The following PLEKHG3 variants were observed in gnomAD, a reference collection of about 807,000 sequenced individuals.
PLEKHG3 encodes pleckstrin homology domain-containing family G member 3.
In PLEKHG3, 62 loss-of-function variants were observed where a neutral mutation model predicts 94.9. The ratio of observed to expected loss-of-function variants is 0.65; its 90% CI spans 0.53 to 0.81. The LOEUF is 0.81. Ranked by LOEUF, PLEKHG3 falls within the 30% of genes least tolerant of loss-of-function variation. The pLI is 0.00. For missense variants in PLEKHG3, 1,461 were observed against 1,619.3 expected, an observed-to-expected ratio of 0.90 and a Z score of 1.68; for synonymous variants, 614 against 654.0, an observed-to-expected ratio of 0.94 and a Z score of 0.93.
chr14:64,732,805 C>G lies in PLEKHG3; in HGVS notation c.1249C>G (p.Pro417Ala), dbSNP rs1266030511. The G allele has an allele frequency of 6.2e-7, 1 of 1,602,290 alleles. No homozygotes were observed. The highest frequency in any genetic ancestry group is 8.5e-7 in the Non-Finnish European group (1 of 1,174,692). ...GATCGTCTCTCTCCTGGGTGCAGAT[C>G]CCAATCGGTACCGCTGCAGCCCAGA... ...EAILEMDSYY[P>A]NRYRCSPERL... is the part of the protein sequence containing the mutation. Residue 417 changes from proline (P) to alanine (A), a missense_variant and splice_region_variant, in exon 12 of 17, where the codon CCC becomes GCC. Coordinates refer to ENST00000247226, the MANE Select transcript of PLEKHG3 (RefSeq NM_001308147.2). This position sits in a 1 kb window ranked among gnomAD's most constrained non-coding sequence, Gnocchi z 4.9.
In PLEKHG3 at chr14:64,732,709, T is replaced by A. The variant is rs1594695529; in HGVS notation, c.1247-94T>A. On this transcript the variant is annotated intron_variant, in intron 11 of 16. Coordinates refer to ENST00000247226, the MANE Select transcript of PLEKHG3 (RefSeq NM_001308147.2). The surrounding 1 kb of genome is among the most constrained non-coding windows in gnomAD (Gnocchi z 4.9). ...GGAGGCTCCTGGCCCTGGAGCTGGG[T>A]GGGTATAGAGGTCTGGCTGGTTATG... 1.1e-6 allele frequency: 1 copy of A among 931,168 alleles called. No individual in the cohort carries two copies. Among genetic ancestry groups the A allele is most frequent in the Non-Finnish European group, 1.7e-6 (1 of 604,066 alleles). 57.7% of individuals were successfully genotyped at this position (931,168 alleles called of 1,614,324 possible). A position where few individuals can be genotyped will look rare whatever the true frequency, so the allele number is the denominator to read the frequency against.
At position 64,727,600 on chromosome 14, in the gene PLEKHG3, C is replaced by T. The variant is rs767707655; in HGVS notation, c.-32C>T. On this transcript the variant is annotated 5_prime_UTR_variant, in exon 2 of 17. Transcript: ENST00000247226. This position sits in a 1 kb window ranked among gnomAD's most constrained non-coding sequence, Gnocchi z 6.0. ...CTGTCTGTCTTGTTGCAGAATCTCC[C>T]TGGGGTGCCCTCCCCAGGCAGCAAT... is the stretch of plus-strand genomic sequence containing the variant. 5 of 1,308,944 alleles carry T rather than the reference C, an allele frequency of 3.8e-6. No homozygotes were observed. The African/African-American group carries it at 5.8e-5, about 15-fold the overall frequency. 81.1% of individuals were successfully genotyped at this position (1,308,944 alleles called of 1,614,324 possible).
chr14:64,712,273 T>C (rs2139361108), intron 1 of PLEKHG3, among the ~76,000 whole-genome samples: 1 of 152,284 alleles, frequency 6.6e-6, no homozygotes, highest in Middle Eastern at 3.4e-3. Context: ...GCCCCCCAAC[T>C]TGGTTCTTTT....
chr14:64,716,090 G>A lies in PLEKHG3; in HGVS notation c.-40+11386G>A. ...CCGGATGGGAGCTCTCCTGAGGAAA[G>A]CGGTAGGTACCCGGCTGGGGCCAGG... On this transcript the variant is annotated intron_variant, in intron 1 of 16. Transcript: ENST00000247226. The surrounding 1 kb of genome is among the most constrained non-coding windows in gnomAD (Gnocchi z 5.0). 1 of 456,186 alleles carries A rather than the reference G, an allele frequency of 2.2e-6. No homozygotes were observed. The highest frequency in any genetic ancestry group is 1.5e-5 in the South Asian group (1 of 64,518). The allele number at this position is 456,186 out of a possible 1,614,324, so 28.3% of individuals were successfully genotyped here.
intron 1 of PLEKHG3, among the ~76,000 whole-genome samples, chr14:64,708,284 A>C (rs2081006022): frequency 6.6e-6 from 1 of 152,134 alleles, no homozygotes; most frequent in African/African-American, 2.4e-5. Context: ...GCTTCCAGCC[A>C]GACTCAATGA....
At position 64,729,108 on chromosome 14, in the gene PLEKHG3, C is replaced by T. The variant is rs1490450674; in HGVS notation, c.449+15C>T. On this transcript the variant is annotated intron_variant, in intron 3 of 16. Coordinates refer to ENST00000247226, the MANE Select transcript of PLEKHG3 (RefSeq NM_001308147.2). The stretch of plus-strand genomic sequence containing the variant: ...GCGCTGAACAGGTGTGTGAATGGGC[C>T]TGACACTCACCATGTTCTGCCTGCG... 9.0e-6 allele frequency: 11 copies of T among 1,217,998 alleles called. No individual in the cohort carries two copies. In the South Asian group the frequency reaches 1.4e-4, roughly 16 times the overall value. The allele number at this position is 1,217,998 out of a possible 1,614,324, so 75.4% of individuals were successfully genotyped here.
At chr14:64,709,999 C>T (rs959398942) in intron 1 of PLEKHG3, among the ~76,000 whole-genome samples, 3 of 152,170 alleles carry the variant, frequency 2.0e-5, no homozygotes, top group African/African-American at 4.8e-5. Flanking sequence ...GTCAGCTGTT[C>T]TGACAGTGGG....
In PLEKHG3 at chr14:64,731,003, G is replaced by C; in HGVS notation, c.718-35G>C. 1 of 1,613,880 alleles carries C rather than the reference G, an allele frequency of 6.2e-7. No homozygotes were observed. The highest frequency in any genetic ancestry group is 8.5e-7 in the Non-Finnish European group (1 of 1,180,028). ...GGGCCTGGGGAGGGCAGGGCCTTCG[G>C]GTCAGGGGCACCTAAGCGTCTATCT... On this transcript the variant is annotated intron_variant, in intron 6 of 16. Transcript: ENST00000247226. This position sits in a 1 kb window ranked among gnomAD's most constrained non-coding sequence, Gnocchi z 6.1.
Position 64,731,477 on chromosome 14 carries a change from C to T in PLEKHG3, c.966C>T (p.Leu322=). The T allele has an allele frequency of 6.2e-7, 1 of 1,614,144 alleles. No individual in the cohort carries two copies. Among genetic ancestry groups the T allele is most frequent in the Non-Finnish European group, 8.5e-7 (1 of 1,180,018 alleles). ...TGCGCAATGAAAGGACCTTTTTCCT[C>T]TTTGACAAAACACTGCTTATCACCA... is the stretch of plus-strand genomic sequence containing the variant. The part of the protein sequence containing the change: ...HRVRNERTFF[L]FDKTLLITKK... The change falls in exon 8 of 17, where the codon CTC becomes CTT. Residue 322 remains leucine, a synonymous_variant. Transcript: ENST00000247226. This position sits in a 1 kb window ranked among gnomAD's most constrained non-coding sequence, Gnocchi z 6.1.
Position 64,746,892 on chromosome 14 carries a change from GAAAAA to G in PLEKHG3, c.*3198_*3202del, listed in dbSNP as rs374341385. On this transcript the variant is annotated 3_prime_UTR_variant, in exon 17 of 17. Coordinates refer to ENST00000247226, the MANE Select transcript of PLEKHG3 (RefSeq NM_001308147.2). This position sits in a 1 kb window ranked among gnomAD's most constrained non-coding sequence, Gnocchi z 4.9. ...AAGACTGTAGAGTAGAATAAGGAGA[GAAAAA>G]AAAAAAAAGACCTTGCTAGGGCACT... 7.0e-6 allele frequency: 1 copy of G among 142,050 alleles called. No individual in the cohort carries two copies. Among genetic ancestry groups the G allele is most frequent in the African/African-American group, 2.6e-5 (1 of 38,794 alleles). The allele number at this position is 142,050 out of a possible 1,614,324, so 8.8% of individuals were successfully genotyped here. A position where few individuals can be genotyped will look rare whatever the true frequency, so the allele number is the denominator to read the frequency against.
rs1299681463 is a variant in PLEKHG3, at chr14:64,749,862, G to GA, written c.*6164dup. The GA allele has an allele frequency of 3.9e-6, 6 of 1,521,332 alleles. No homozygotes were observed. In the African/African-American group the frequency reaches 8.3e-5, roughly 21 times the overall value. 94.2% of individuals were successfully genotyped at this position (1,521,332 alleles called of 1,614,324 possible). On this transcript the variant is annotated 3_prime_UTR_variant, in exon 17 of 17. Transcript: ENST00000247226. The surrounding 1 kb of genome is among the most constrained non-coding windows in gnomAD (Gnocchi z 4.7). ...TCTGGACCATCAGCCTCTTTGATTT[G>GA]AAAAACCCCTGAGGAGCAGCTCAGG... is the stretch of plus-strand genomic sequence containing the variant.
intron 1 of PLEKHG3, among the ~76,000 whole-genome samples, chr14:64,712,567 C>A (rs538020653): frequency 2.0e-5 from 3 of 152,082 alleles, no homozygotes; most frequent in Admixed American, 6.6e-5. Flanking sequence ...GTATTTTATT[C>A]TTTTTGCTGC....
chr14:64,728,877 T>A lies in PLEKHG3; in HGVS notation c.352-119T>A. The A allele has an allele frequency of 1.1e-5, 6 of 535,336 alleles. 1 individual carries two copies. In the South Asian group the frequency reaches 1.5e-4, roughly 13 times the overall value. 33.2% of individuals were successfully genotyped at this position (535,336 alleles called of 1,614,324 possible). ...CATGAATTTTGGGGTGGACACTGTC[T>A]CACAGTAGGCAATGTCCGTGAAGTG... On this transcript the variant is annotated intron_variant, in intron 2 of 16. Coordinates refer to ENST00000247226, the MANE Select transcript of PLEKHG3 (RefSeq NM_001308147.2). This position sits in a 1 kb window ranked among gnomAD's most constrained non-coding sequence, Gnocchi z 5.9.
rs571262719 is a variant in PLEKHG3, at chr14:64,744,976, G to T, written c.*1273G>T. The T allele has an allele frequency of 6.6e-6, 1 of 151,948 alleles. No individual in the cohort carries two copies. The highest frequency in any genetic ancestry group is 6.6e-5 in the Admixed American group (1 of 15,262). The allele number at this position is 151,948 out of a possible 1,614,324, so 9.4% of individuals were successfully genotyped here. ...TTTTTAGTAGAGACGGGGTTTCGCCGTGTTGACCAGGCTGGTCTCGAACTT... is the reference window on the plus strand; with the variant it reads ...TTTTTAGTAGAGACGGGGTTTCGCCTTGTTGACCAGGCTGGTCTCGAACTT... On this transcript the variant is annotated 3_prime_UTR_variant, in exon 17 of 17. Coordinates refer to ENST00000247226, the MANE Select transcript of PLEKHG3 (RefSeq NM_001308147.2).
rs1448533185 is a variant in PLEKHG3, at chr14:64,739,921, C to A, written c.1518+1066C>A. On this transcript the variant is annotated intron_variant, in intron 15 of 16. Transcript: ENST00000247226. This position sits in a 1 kb window ranked among gnomAD's most constrained non-coding sequence, Gnocchi z 4.1. ...AGATACACAGACATTCAGAGCAGAGCAAATTGGGGTGTCAAATAATAATAC... is the reference window on the plus strand; with the variant it reads ...AGATACACAGACATTCAGAGCAGAGAAAATTGGGGTGTCAAATAATAATAC... Among the ~76,000 whole-genome samples, 4 of 152,260 alleles carry A rather than the reference C, an allele frequency of 2.6e-5. No homozygotes were observed. In the East Asian group the frequency reaches 7.7e-4, roughly 29 times the overall value.
In PLEKHG3 at chr14:64,727,572, C is replaced by T. The variant is rs771319751; in HGVS notation, c.-39-21C>T. On this transcript the variant is annotated intron_variant, in intron 1 of 16. Transcript: ENST00000247226. This position sits in a 1 kb window ranked among gnomAD's most constrained non-coding sequence, Gnocchi z 6.0. ...TGTGGGCATTCAGAGGTTGACCCTTCATCTGTCTGTCTTGTTGCAGAATCT... is the reference window on the plus strand; with the variant it reads ...TGTGGGCATTCAGAGGTTGACCCTTTATCTGTCTGTCTTGTTGCAGAATCT... 5.3e-5 allele frequency: 41 copies of T among 769,332 alleles called. No homozygotes were observed. The highest frequency in any genetic ancestry group is 7.6e-5 in the Non-Finnish European group (37 of 484,796). The allele number at this position is 769,332 out of a possible 1,614,324, so 47.7% of individuals were successfully genotyped here.
In PLEKHG3 at chr14:64,729,132, C is replaced by T. The variant is rs542639625; in HGVS notation, c.449+39C>T. On this transcript the variant is annotated intron_variant, in intron 3 of 16. Coordinates refer to ENST00000247226, the MANE Select transcript of PLEKHG3 (RefSeq NM_001308147.2). ...CCTGACACTCACCATGTTCTGCCTG[C>T]GAGGCCCACCTCAGGGCCTAGGGAG... The T allele has an allele frequency of 9.2e-4, 851 of 929,712 alleles. 10 individuals are homozygous for T. In the African/African-American group the frequency reaches 0.012, roughly 13 times the overall value. The allele number at this position is 929,712 out of a possible 1,614,324, so 57.6% of individuals were successfully genotyped here.
rs753835883 is a variant in PLEKHG3, at chr14:64,742,141, G to A, written c.2624G>A (p.Arg875His). The part of the protein sequence containing the change: ...SPESSSPTEG[R>H]SPAHLARELK... The stretch of plus-strand genomic sequence containing the variant: ...GAAAGCTCCTCTCCCACTGAGGGGC[G>A]CAGCCCGGCCCACCTGGCCCGGGAG... Residue 875 changes from arginine to histidine, a missense_variant, in exon 16 of 17, where the codon CGC (arginine) becomes CAC (histidine). Around this residue, in one of 3 missense-constraint regions of PLEKHG3, gnomAD observed 1,201 missense variants for 1,295.5 expected, o/e 0.93. Transcript: ENST00000247226. The A allele has an allele frequency of 3.7e-6, 6 of 1,611,206 alleles. No individual in the cohort carries two copies. The highest frequency in any genetic ancestry group is 1.3e-5 in the African/African-American group (1 of 74,936).
In PLEKHG3 at chr14:64,741,524, G is replaced by T; in HGVS notation, c.2007G>T (p.Val669=). 6.2e-7 allele frequency: 1 copy of T among 1,612,940 alleles called. No homozygotes were observed. The highest frequency in any genetic ancestry group is 8.5e-7 in the Non-Finnish European group (1 of 1,180,028). The change falls in exon 16 of 17, where the codon GTG becomes GTT. Residue 669 remains valine, a synonymous_variant. Transcript: ENST00000247226. ...TCAGCTGTCAGCTCTCCCCAGAAGTGGACATCAGTGTGGGGGTGGCCACAG... is the reference window on the plus strand; with the variant it reads ...TCAGCTGTCAGCTCTCCCCAGAAGTTGACATCAGTGTGGGGGTGGCCACAG... ...DSLSCQLSPE[V]DISVGVATED...
Sources: allele counts gnomAD v4.1 joint callset (sites outside exome capture counted in the v4.1 genomes callset), GRCh38; gene constraint gnomAD v4.1.1; regional missense constraint gnomAD v4.1.1; non-coding constraint Gnocchi (gnomAD v3.1); transcripts MANE v1.5; gene names NCBI Gene and HGNC (gene_info 2026-07-23, HGNC 2026-07-21).